The following CISD2 variants were observed in gnomAD, a reference collection of about 807,000 sequenced individuals.
CISD2 encodes CDGSH iron sulfur domain 2, also known as CDGSH iron-sulfur domain-containing protein 2.
Under a neutral mutation model 12.9 loss-of-function variants are expected in CISD2, and 1 was observed. The observed-to-expected ratio is 0.08, with a 90% CI of 0.03 to 0.37. CISD2 has a LOEUF of 0.37. CISD2 is among the 10% of genes least tolerant of loss of function. CISD2 has a pLI of 0.99. For synonymous variants in CISD2, 50 were observed against 60.6 expected, an observed-to-expected ratio of 0.83 and a Z score of 0.81; for missense variants, 97 against 163.1, an observed-to-expected ratio of 0.59 and a Z score of 2.21.
Position 102,889,293 on chromosome 4 carries a change from A to C in CISD2, c.*1863A>C, listed in dbSNP as rs1168788001. Reference sequence around the variant, plus strand: ...GGATACATTTTCTTCAACACTGTTAAGGGGCCTCACTGTCAGATTAACCAA... The same window carrying C: ...GGATACATTTTCTTCAACACTGTTACGGGGCCTCACTGTCAGATTAACCAA... On this transcript the variant is annotated 3_prime_UTR_variant, in exon 3 of 3. Coordinates refer to ENST00000273986, the MANE Select transcript of CISD2 (RefSeq NM_001008388.5). 6.6e-6 allele frequency: 1 copy of C among 152,354 alleles called. No individual in the cohort carries two copies. Among genetic ancestry groups the C allele is most frequent in the Non-Finnish European group, 1.5e-5 (1 of 68,102 alleles). 9.4% of individuals were successfully genotyped at this position (152,354 alleles called of 1,614,324 possible). A position where few individuals can be genotyped will look rare whatever the true frequency, so the allele number is the denominator to read the frequency against.
intron 1 of CISD2, among the ~76,000 whole-genome samples, chr4:102,880,235 C>G (rs114825228): frequency 6.6e-5 from 10 of 152,078 alleles, no homozygotes; most frequent in African/African-American, 2.4e-4. Context: ...TAAGCCACCA[C>G]GCCCAGCCCC....
intron 1 of CISD2, among the ~76,000 whole-genome samples, chr4:102,883,764 T>G (rs1427713573): frequency 6.6e-6 from 1 of 152,264 alleles, no homozygotes; most frequent in East Asian, 1.9e-4. Context: ...CAGAGTTTTA[T>G]TCTGGTAACT....
chr4:102,881,561 A>G (rs780922929), intron 1 of CISD2, among the ~76,000 whole-genome samples: 2 of 152,236 alleles, frequency 1.3e-5, no homozygotes, highest in Non-Finnish European at 2.9e-5. Context: ...ATGTACAGTT[A>G]TTATGTATCA....
At chr4:102,882,634 C>T (rs1050273427) in intron 1 of CISD2, 4 of 152,300 alleles carry the variant, frequency 2.6e-5, no homozygotes, top group Admixed American at 2.6e-4. Context: ...TCAGTAGTCA[C>T]ATGTAGCTAG....
intron 1 of CISD2, among the ~76,000 whole-genome samples, chr4:102,875,683 C>G (rs1733576107): frequency 6.6e-6 from 1 of 152,132 alleles, no homozygotes; most frequent in South Asian, 2.1e-4. Flanking sequence ...TTATGTAAGT[C>G]TCTGTTAAAG....
intron 1 of CISD2, among the ~76,000 whole-genome samples, chr4:102,880,153 A>G (rs1456796562): frequency 6.6e-6 from 1 of 152,088 alleles, no homozygotes; most frequent in African/African-American, 2.4e-5. Context: ...CATGTTGGCC[A>G]GGCTGGTCAC....
Position 102,888,142 on chromosome 4 carries a change from T to C in CISD2, c.*712T>C, listed in dbSNP as rs1407928030. On this transcript the variant is annotated 3_prime_UTR_variant, in exon 3 of 3. Transcript: ENST00000273986. The stretch of plus-strand genomic sequence containing the variant: ...ATGGCAAGAACACTTACAACCAAAC[T>C]CATGGGCTGCTGCAATTTGAAGATA... The C allele has an allele frequency of 1.4e-5, 2 of 143,812 alleles. No homozygotes were observed. Among genetic ancestry groups the C allele is most frequent in the African/African-American group, 5.4e-5 (2 of 36,738 alleles). The allele number at this position is 143,812 out of a possible 1,614,324, so 8.9% of individuals were successfully genotyped here.
At chr4:102,879,120 G>A (rs1162983567) in intron 1 of CISD2, among the ~76,000 whole-genome samples, 2 of 152,098 alleles carry the variant, frequency 1.3e-5, no homozygotes, top group Non-Finnish European at 2.9e-5. Context: ...GCATGGGGGA[G>A]ATTGCCTTGA....
chr4:102,873,717 C>T lies in CISD2; in HGVS notation c.103+4530C>T, dbSNP rs942912200. Among the ~76,000 whole-genome samples, 13 of 114,848 alleles carry T rather than the reference C, an allele frequency of 1.1e-4. No individual in the cohort carries two copies. In the Admixed American group the frequency reaches 1.3e-3, roughly 11 times the overall value. The allele number at this position is 114,848 out of a possible 152,430, so 75.3% of individuals were successfully genotyped here. On this transcript the variant is annotated intron_variant, in intron 1 of 2. Transcript: ENST00000273986. ...CTACATTCCAGCCTAGGCAGCAGAG[C>T]GAAACCGTCTCAAAAAAAAAAAAAA...
intron 1 of CISD2, 62 bp from the exon 2 acceptor site, chr4:102,885,153 AG>A (rs1553969848): frequency 9.6e-6 from 3 of 312,442 alleles, no homozygotes; most frequent in African/African-American, 1.5e-4. Context: ...GGATGAAACT[AG>A]ACATGCTATT....
chr4:102,878,850 AG>A (rs1367732701), intron 1 of CISD2, among the ~76,000 whole-genome samples: 3 of 152,216 alleles, frequency 2.0e-5, no homozygotes, highest in African/African-American at 7.2e-5. Context: ...TCTCTGTTGT[AG>A]CAATTTACTG....
At chr4:102,874,843 C>A (rs1733556224) in intron 1 of CISD2, among the ~76,000 whole-genome samples, 2 of 152,182 alleles carry the variant, frequency 1.3e-5, no homozygotes, top group Admixed American at 6.5e-5. Flanking sequence ...CTATTTTCTT[C>A]CAGACCATTT....
chr4:102,873,879 G>A (rs557040657), intron 1 of CISD2, among the ~76,000 whole-genome samples: 11 of 151,870 alleles, frequency 7.2e-5, no homozygotes, highest in South Asian at 4.2e-4. Flanking sequence ...TAATCCCACC[G>A]CTTTGGAAGG....
intron 1 of CISD2, among the ~76,000 whole-genome samples, chr4:102,882,223 G>A (rs550199330): frequency 2.0e-5 from 3 of 152,194 alleles, no homozygotes; most frequent in East Asian, 1.9e-4. Flanking sequence ...TCATCTTTGC[G>A]TTCCCATTCA....
chr4:102,888,949 T>TC lies in CISD2; in HGVS notation c.*1520dup, dbSNP rs1734084994. ...ACAGTTTATTCAGTTCACTTTGCTTTCTTTTTATAAGAATGTACAAGAGGC... is the reference window on the plus strand; with the variant it reads ...ACAGTTTATTCAGTTCACTTTGCTTTCCTTTTTATAAGAATGTACAAGAGGC... On this transcript the variant is annotated 3_prime_UTR_variant, in exon 3 of 3. Transcript: ENST00000273986. 2 of 152,258 alleles carry TC rather than the reference T, an allele frequency of 1.3e-5. No individual in the cohort carries two copies. The highest frequency in any genetic ancestry group is 4.8e-5 in the African/African-American group (2 of 41,470). The allele number at this position is 152,258 out of a possible 1,614,324, so 9.4% of individuals were successfully genotyped here.
rs1278919440 is a variant in CISD2, at chr4:102,891,448, C to G, written c.*4018C>G. The G allele has an allele frequency of 6.6e-6, 1 of 152,160 alleles. No homozygotes were observed. The highest frequency in any genetic ancestry group is 2.4e-5 in the African/African-American group (1 of 41,426). 9.4% of individuals were successfully genotyped at this position (152,160 alleles called of 1,614,324 possible). A position where few individuals can be genotyped will look rare whatever the true frequency, so the allele number is the denominator to read the frequency against. On this transcript the variant is annotated 3_prime_UTR_variant, in exon 3 of 3. Coordinates refer to ENST00000273986, the MANE Select transcript of CISD2 (RefSeq NM_001008388.5). ...TATAGGATTCTGCATACAACTGTCTCTGAGGACATCACTGTGATCAAATTA... is the reference window on the plus strand; with the variant it reads ...TATAGGATTCTGCATACAACTGTCTGTGAGGACATCACTGTGATCAAATTA...
intron 1 of CISD2, among the ~76,000 whole-genome samples, chr4:102,879,686 C>T (rs1265492019): frequency 2.0e-5 from 3 of 152,002 alleles, no homozygotes; most frequent in African/African-American, 4.8e-5. Context: ...GCAGGAGAAT[C>T]GCTTGAACCC....
At position 102,892,356 on chromosome 4, in the gene CISD2, G is replaced by T. The variant is rs774400647; in HGVS notation, c.*4926G>T. The T allele has an allele frequency of 2.0e-5, 3 of 152,176 alleles. No homozygotes were observed. The highest frequency in any genetic ancestry group is 4.4e-5 in the Non-Finnish European group (3 of 68,048). 9.4% of individuals were successfully genotyped at this position (152,176 alleles called of 1,614,324 possible). On this transcript the variant is annotated 3_prime_UTR_variant, in exon 3 of 3. Coordinates refer to ENST00000273986, the MANE Select transcript of CISD2 (RefSeq NM_001008388.5). ...ATTGCAGGCATGAGCAACCATGCCT[G>T]GTGTTTTATCTTTTGCAGAAATCCA...
intron 1 of CISD2, among the ~76,000 whole-genome samples, chr4:102,884,226 T>C (rs1321058789): frequency 6.6e-6 from 1 of 152,234 alleles, no homozygotes; most frequent in Non-Finnish European, 1.5e-5. Context: ...ATAATAATGA[T>C]ACCTACCACA....
Sources: gnomAD v4.1 joint callset for allele counts (sites outside exome capture counted in the v4.1 genomes callset) on GRCh38, gnomAD v4.1.1 for gene constraint, MANE v1.5 for transcripts, NCBI Gene and HGNC (gene_info 2026-07-23, HGNC 2026-07-21) for gene names.